ALK: variants seen among roughly 807,000 people sequenced by gnomAD.
The protein encoded by ALK is ALK tyrosine kinase receptor.
Under a neutral mutation model 163.1 loss-of-function variants are expected in ALK, and 74 were observed. The observed-to-expected ratio is 0.45, with a 90% CI of 0.38 to 0.55. The LOEUF (loss-of-function observed/expected upper bound fraction) is 0.55. Ranked by LOEUF, ALK falls within the 20% of genes least tolerant of loss-of-function variation. ALK has a pLI of 0.00. For missense variants in ALK, 2,063 were observed against 2,105.3 expected (o/e 0.98, Z 0.39); for synonymous variants, 960 against 843.2 (o/e 1.14, Z -2.40).
intron 1 of ALK, among the ~76,000 whole-genome samples, chr2:29,856,254 T>C (rs549911528): frequency 5.3e-5 from 8 of 152,334 alleles, no homozygotes; most frequent in Non-Finnish European, 1.2e-4. Flanking sequence ...AGCTCTCTCA[T>C]CTGTAAAGTG....
intron 4 of ALK, among the ~76,000 whole-genome samples, chr2:29,513,470 C>T (rs2148142654): frequency 6.8e-6 from 1 of 148,092 alleles, no homozygotes; most frequent in East Asian, 2.0e-4. Flanking sequence ...AACTGGATCC[C>T]TTCCTTACAC....
intron 12 of ALK, among the ~76,000 whole-genome samples, chr2:29,248,897 G>T (rs147907587): frequency 1.0e-4 from 16 of 152,396 alleles, no homozygotes; most frequent in Admixed American, 7.2e-4. Flanking sequence ...GACAGGAAAA[G>T]TCAGAAACTA....
chr2:29,316,351 C>T (rs1221425544), intron 8 of ALK, among the ~76,000 whole-genome samples: 2 of 152,044 alleles, frequency 1.3e-5, no homozygotes, highest in Non-Finnish European at 2.9e-5. Context: ...CCCTTCCTTT[C>T]ATTATGCCTG....
intron 28 of ALK, among the ~76,000 whole-genome samples, chr2:29,195,659 C>T (rs200616667): frequency 9.2e-5 from 14 of 152,318 alleles, no homozygotes; most frequent in East Asian, 7.7e-4. Flanking sequence ...CGCTTGAACC[C>T]GGGAGGTGGA....
At chr2:29,670,108 G>A (rs186025860) in intron 3 of ALK, among the ~76,000 whole-genome samples, 1 of 151,982 alleles carries the variant, frequency 6.6e-6, no homozygotes, top group Admixed American at 6.6e-5. Flanking sequence ...TTACCAGTGG[G>A]TTTTTCACTT....
intron 1 of ALK, among the ~76,000 whole-genome samples, chr2:29,884,522 C>T (rs572781009): frequency 6.6e-6 from 1 of 152,026 alleles, no homozygotes; most frequent in South Asian, 2.1e-4. Flanking sequence ...AAACCTTGCA[C>T]TTTGGGGTAA....
At chr2:29,416,839 T>C (rs1669890946) in intron 4 of ALK, among the ~76,000 whole-genome samples, 1 of 152,126 alleles carries the variant, frequency 6.6e-6, no homozygotes, top group African/African-American at 2.4e-5. Flanking sequence ...CTTTTCCATC[T>C]GTAAAATGGG....
chr2:29,427,157 TGG>T (rs57583561), intron 4 of ALK, among the ~76,000 whole-genome samples: 8 of 151,204 alleles, frequency 5.3e-5, no homozygotes, highest in Admixed American at 1.3e-4. Flanking sequence ...CACAAAGGAT[TGG>T]GGGGGGCAGA....
intron 1 of ALK, among the ~76,000 whole-genome samples, chr2:29,919,515 T>C (rs1317181725): frequency 2.6e-5 from 4 of 151,976 alleles, no homozygotes; most frequent in East Asian, 1.9e-4. Flanking sequence ...ATGGGGACAG[T>C]TGGGTGAGAT....
intron 3 of ALK, among the ~76,000 whole-genome samples, chr2:29,579,139 G>A (rs139087695): frequency 4.8e-4 from 73 of 152,348 alleles, no homozygotes; most frequent in Admixed American, 7.8e-4. Context: ...AGGGCACCAA[G>A]TAGCACAACA....
At chr2:29,816,265 G>T (rs908221664) in intron 1 of ALK, among the ~76,000 whole-genome samples, 2 of 152,188 alleles carry the variant, frequency 1.3e-5, no homozygotes, top group Non-Finnish European at 2.9e-5. Context: ...GTTCACCTGG[G>T]TGAGGGCTGG....
intron 4 of ALK, among the ~76,000 whole-genome samples, chr2:29,486,391 G>A (rs573210845): frequency 2.4e-4 from 37 of 152,268 alleles, no homozygotes; most frequent in Non-Finnish European, 4.4e-4. Flanking sequence ...TATGAAATGA[G>A]TGCTTCATAA....
At chr2:29,897,929 A>G (rs1667316802) in intron 1 of ALK, among the ~76,000 whole-genome samples, 1 of 152,092 alleles carries the variant, frequency 6.6e-6, no homozygotes, top group Non-Finnish European at 1.5e-5. Context: ...CTATAGAGAG[A>G]GGTGGAAAGG....
chr2:29,610,558 C>T lies in ALK; in HGVS notation c.953-78442G>A, dbSNP rs925498053. ...TTCCACTCACACCAGCCAGCAAACT[C>T]GATTCCAAGCAGCGGCAGATAGGAG... On this transcript the variant is annotated intron_variant, in intron 3 of 28. Transcript: ENST00000389048. Among the ~76,000 whole-genome samples, 16 of 152,196 alleles carry T rather than the reference C, an allele frequency of 1.1e-4. No homozygotes were observed. In the South Asian group the frequency reaches 1.9e-3, roughly 18 times the overall value.
intron 1 of ALK, among the ~76,000 whole-genome samples, chr2:29,732,289 C>A (rs1300959056): frequency 3.3e-5 from 5 of 152,296 alleles, no homozygotes; most frequent in East Asian, 3.9e-4. Flanking sequence ...CACTACCAAG[C>A]AACTGCTGTA....
intron 3 of ALK, among the ~76,000 whole-genome samples, chr2:29,625,226 T>C (rs889668127): frequency 6.6e-6 from 1 of 152,184 alleles, no homozygotes; most frequent in Non-Finnish European, 1.5e-5. Context: ...ATTTTATTGA[T>C]CTTACAAATG....
At chr2:29,424,856 C>T (rs534400375) in intron 4 of ALK, among the ~76,000 whole-genome samples, 16 of 152,158 alleles carry the variant, frequency 1.1e-4, no homozygotes, top group African/African-American at 3.9e-4. Context: ...GTTTTCTCAC[C>T]AGTGGAATGG....
At chr2:29,746,667 A>G (rs1352354824) in intron 1 of ALK, among the ~76,000 whole-genome samples, 1 of 152,122 alleles carries the variant, frequency 6.6e-6, no homozygotes, top group African/African-American at 2.4e-5. Flanking sequence ...GAAACCTGAC[A>G]TTTTCTGGGA....
In ALK at chr2:29,328,350, G is replaced by A. The variant is rs749263944; in HGVS notation, c.1414C>T (p.Arg472Trp). Residue 472 changes from arginine to tryptophan, a missense_variant and splice_region_variant, in exon 6 of 29, where the codon CGG becomes TGG. Physicochemically the swap from Arg to Trp is moderately radical, Grantham distance 101 (BLOSUM62 -3). This residue lies in a region of ALK where 987 missense variants were observed against 939.5 expected (regional missense o/e 1.05). Coordinates refer to ENST00000389048, the MANE Select transcript of ALK (RefSeq NM_004304.5). ...GGGTGGGGCAGCCCCATCTACTCAC[G>A]GCACATCTGGCTCTCATCTTCTCCC... is the stretch of plus-strand genomic sequence containing the variant. ...AQGEDESQMC[R>W]KLPVGFYCNF... 7 of 1,614,106 alleles carry A rather than the reference G, an allele frequency of 4.3e-6. No individual in the cohort carries two copies. The highest frequency in any genetic ancestry group is 3.3e-5 in the Admixed American group (2 of 60,028).
Sources: gnomAD v4.1 joint callset for allele counts (sites outside exome capture counted in the v4.1 genomes callset) on GRCh38, gnomAD v4.1.1 for gene constraint, gnomAD v4.1.1 regional missense constraint, MANE v1.5 for transcripts, NCBI Gene and HGNC (gene_info 2026-07-23, HGNC 2026-07-21) for gene names.